Variants in GLDC observed in about 807,000 individuals in gnomAD.
The protein encoded by GLDC is glycine dehydrogenase (decarboxylating), mitochondrial.
In GLDC, 104 loss-of-function variants were observed where a neutral mutation model predicts 121.3. The observed-to-expected ratio is 0.86, with a 90% CI of 0.73 to 1.01. The LOEUF (loss-of-function observed/expected upper bound fraction) is 1.01. GLDC is among the 50% of genes least tolerant of loss of function. The pLI is 0.00. For synonymous variants in GLDC, 546 were observed against 480.6 expected (o/e 1.14, Z -1.78); for missense variants, 1,429 against 1,306.6 (o/e 1.09, Z -1.44).
At chr9:6,635,542 G>C (rs1436781280) in intron 2 of GLDC, among the ~76,000 whole-genome samples, 1 of 152,158 alleles carries the variant, frequency 6.6e-6, no homozygotes, top group Non-Finnish European at 1.5e-5. Flanking sequence ...CTGCACTCTA[G>C]TCTGGGTGAC....
At chr9:6,535,307 G>T (rs1045562421) in intron 23 of GLDC, among the ~76,000 whole-genome samples, 1 of 151,434 alleles carries the variant, frequency 6.6e-6, no homozygotes, top group Non-Finnish European at 1.5e-5. Context: ...AAAGAAGCAG[G>T]TGTCTTCAGA....
At chr9:6,600,730 G>A (rs1003179386) in intron 8 of GLDC, among the ~76,000 whole-genome samples, 1 of 152,024 alleles carries the variant, frequency 6.6e-6, no homozygotes, top group African/African-American at 2.4e-5. Context: ...AATGGATCCT[G>A]TGCTCAGGAG....
At chr9:6,595,257 G>A in intron 8 of GLDC, 138 bp from the exon 9 acceptor site, 1 of 741,428 alleles carries the variant, frequency 1.3e-6, no homozygotes, top group South Asian at 1.4e-5. Context: ...TTGATAGTTG[G>A]GGACAATTAA....
rs1395694304 is a variant in GLDC at position 6,536,193 on chromosome 9, G to A, written c.2709C>T (p.Leu903=). 5.0e-6 allele frequency: 8 copies of A among 1,614,026 alleles called. No homozygotes were observed. Among genetic ancestry groups the A allele is most frequent in the Non-Finnish European group, 5.9e-6 (7 of 1,179,976 alleles). Residue 903 remains leucine (L), a synonymous_variant, in exon 23 of 25, where the codon CTC becomes CTT. Coordinates refer to ENST00000321612, the MANE Select transcript of GLDC (RefSeq NM_000170.3). ...PTMSWPVAGT[L]MVEPTESEDK... The stretch of plus-strand genomic sequence containing the variant: ...CCTCCGACTCAGTGGGCTCCACCAT[G>A]AGGGTCCCTGCCACAGGCCAGGACA...
At chr9:6,553,616 T>G in intron 19 of GLDC, 107 bp from the exon 20 acceptor site, 2 of 1,049,760 alleles carry the variant, frequency 1.9e-6, no homozygotes, top group Non-Finnish European at 3.0e-6. Flanking sequence ...AGAGGAGCTC[T>G]GACAGTGGAA....
In GLDC at chr9:6,639,021, A is replaced by G. The variant is rs1388173223; in HGVS notation, c.334+5593T>C. On this transcript the variant is annotated intron_variant, in intron 2 of 24. Transcript: ENST00000321612. ...GAGACTCTGTCTCAGAAAAAAAAAA[A>G]AAGTATATCCTCAGAGTGTCTTTCA... 1.8e-5 allele frequency: 9 copies of G among 508,174 alleles called. 1 individual carries two copies. The East Asian group carries it at 3.3e-4, about 18-fold the overall frequency. 31.5% of individuals were successfully genotyped at this position (508,174 alleles called of 1,614,324 possible).
intron 8 of GLDC, among the ~76,000 whole-genome samples, chr9:6,595,433 A>T (rs1002264240): frequency 1.3e-5 from 2 of 152,212 alleles, no homozygotes; most frequent in African/African-American, 4.8e-5. Flanking sequence ...ATTGAGAAGC[A>T]ATGTTTAATG....
At chr9:6,557,555 C>G (rs999520984) in intron 17 of GLDC, 5 of 151,744 alleles carry the variant, frequency 3.3e-5, no homozygotes, top group African/African-American at 1.2e-4. Flanking sequence ...GATCGTGCCA[C>G]TGCACTCCAG....
At chr9:6,643,407 C>T (rs528021446) in intron 2 of GLDC, among the ~76,000 whole-genome samples, 98 of 149,690 alleles carry the variant, frequency 6.5e-4, no homozygotes, top group African/African-American at 2.4e-3. Context: ...CAAAATAAAG[C>T]TTGCCATCTG....
intron 2 of GLDC, among the ~76,000 whole-genome samples, chr9:6,638,727 C>G (rs1014548001): frequency 6.6e-6 from 1 of 152,028 alleles, no homozygotes; most frequent in Non-Finnish European, 1.5e-5. Flanking sequence ...AATGTATATC[C>G]TCACTGGGCA....
At chr9:6,564,017 G>A (rs935657618) in intron 16 of GLDC, among the ~76,000 whole-genome samples, 2 of 152,054 alleles carry the variant, frequency 1.3e-5, no homozygotes, top group Non-Finnish European at 2.9e-5. Context: ...AGGTCCAGGG[G>A]CGGGTGGATC....
At chr9:6,629,130 CT>C (rs1225491268) in intron 2 of GLDC, among the ~76,000 whole-genome samples, 1 of 151,910 alleles carries the variant, frequency 6.6e-6, no homozygotes, top group Non-Finnish European at 1.5e-5. Flanking sequence ...TCCTTTGCCA[CT>C]GCGCCTAAAA....
At chr9:6,563,961 A>G (rs1817805820) in intron 16 of GLDC, among the ~76,000 whole-genome samples, 1 of 151,918 alleles carries the variant, frequency 6.6e-6, no homozygotes, top group African/African-American at 2.4e-5. Context: ...AGAAAAAAAA[A>G]AGGGCCAGGC....
intron 20 of GLDC, among the ~76,000 whole-genome samples, chr9:6,552,531 C>A (rs533146834): frequency 6.6e-6 from 1 of 152,142 alleles, no homozygotes; most frequent in Non-Finnish European, 1.5e-5. Context: ...AGAAACTTTT[C>A]GTGAAGAATC....
chr9:6,583,684 A>C (rs1364656171), intron 15 of GLDC, among the ~76,000 whole-genome samples: 1 of 152,194 alleles, frequency 6.6e-6, no homozygotes, highest in Non-Finnish European at 1.5e-5. Context: ...TGAAAAAAAG[A>C]AAAAAGGAAG....
intron 24 of GLDC, chr9:6,534,056 C>G (rs1338085103): frequency 3.3e-5 from 5 of 151,496 alleles, no homozygotes; most frequent in African/African-American, 1.2e-4. Flanking sequence ...ACTAAAAATA[C>G]AAAAAATTAC....
intron 21 of GLDC, among the ~76,000 whole-genome samples, chr9:6,550,122 C>A (rs1047597225): frequency 1.1e-4 from 16 of 152,204 alleles, no homozygotes; most frequent in African/African-American, 3.9e-4. Flanking sequence ...ATGGCTCCAG[C>A]AAGAAGGCGC....
At position 6,610,135 on chromosome 9, in the gene GLDC, C is replaced by A. The variant is rs762336755; in HGVS notation, c.635+57G>T. 5 of 1,342,300 alleles carry A rather than the reference C, an allele frequency of 3.7e-6. No individual in the cohort carries two copies. The South Asian group carries it at 5.0e-5, about 13-fold the overall frequency. 83.1% of individuals were successfully genotyped at this position (1,342,300 alleles called of 1,614,324 possible). A position where few individuals can be genotyped will look rare whatever the true frequency, so the allele number is the denominator to read the frequency against. ...TTCACAATATACTATAGAAAGAAAA[C>A]AAGGCCAGGCGAGGTGGCCCACAAC... On this transcript the variant is annotated intron_variant, in intron 4 of 24. Coordinates refer to ENST00000321612, the MANE Select transcript of GLDC (RefSeq NM_000170.3).
chr9:6,641,124 G>C (rs1819621814), intron 2 of GLDC, among the ~76,000 whole-genome samples: 1 of 152,316 alleles, frequency 6.6e-6, no homozygotes, highest in South Asian at 2.1e-4. Flanking sequence ...TCCAAGAAGA[G>C]GGGGAGCATC....
Sources: allele counts gnomAD v4.1 joint callset (sites outside exome capture counted in the v4.1 genomes callset), GRCh38; gene constraint gnomAD v4.1.1; transcripts MANE v1.5; gene names NCBI Gene and HGNC (gene_info 2026-07-23, HGNC 2026-07-21).